SYT1: variants seen among roughly 807,000 people sequenced by gnomAD.
SYT1 encodes the protein synaptotagmin 1.
SYT1 carries 8 observed loss-of-function variants against 44.8 expected under a neutral mutation model. The ratio of observed to expected loss-of-function variants is 0.18; its 90% CI spans 0.10 to 0.32. The LOEUF is 0.32. SYT1 is among the 10% of genes least tolerant of loss of function. The pLI, the probability that SYT1 is intolerant of heterozygous loss-of-function variation, is 1.00. For synonymous variants in SYT1, 154 were observed against 188.8 expected, an observed-to-expected ratio of 0.82 and a Z score of 1.51; for missense variants, 286 against 509.3, an observed-to-expected ratio of 0.56 and a Z score of 4.22.
chr12:79,384,391 C>T (rs1884344591), intron 9 of SYT1, among the ~76,000 whole-genome samples: 3 of 151,984 alleles, frequency 2.0e-5, no homozygotes. Context: ...TCTTAGATAT[C>T]AAAAACAAGA....
At chr12:79,166,076 A>G (rs1286517256) in intron 3 of SYT1, among the ~76,000 whole-genome samples, 1 of 152,014 alleles carries the variant, frequency 6.6e-6, no homozygotes, top group Non-Finnish European at 1.5e-5. Flanking sequence ...TCAACTTGGA[A>G]TTCTGAGATT....
At chr12:78,934,824 C>T (rs1321375273) in intron 1 of SYT1, among the ~76,000 whole-genome samples, 1 of 152,148 alleles carries the variant, frequency 6.6e-6, no homozygotes, top group Non-Finnish European at 1.5e-5. Context: ...GTATTAGAAG[C>T]ATGGTGATGG....
At chr12:79,036,621 TC>T (rs1470489747) in intron 2 of SYT1, 1 of 151,822 alleles carries the variant, frequency 6.6e-6, no homozygotes, top group Non-Finnish European at 1.5e-5. Flanking sequence ...CATACCTATA[TC>T]AATAGTACAT....
At chr12:79,179,202 A>G in intron 3 of SYT1, among the ~76,000 whole-genome samples, 1 of 26,290 alleles carries the variant, frequency 3.8e-5, no homozygotes, top group African/African-American at 2.3e-4. Context: ...ATAGATATAT[A>G]GATATAGATA....
At chr12:78,876,053 C>T (rs1159480590) in intron 1 of SYT1, among the ~76,000 whole-genome samples, 1 of 151,632 alleles carries the variant, frequency 6.6e-6, no homozygotes, top group Non-Finnish European at 1.5e-5. Context: ...CTTGTCAATG[C>T]AATTTCCTTT....
intron 4 of SYT1, among the ~76,000 whole-genome samples, chr12:79,281,912 C>T (rs550524726): frequency 5.9e-4 from 90 of 152,260 alleles, no homozygotes; most frequent in African/African-American, 1.9e-3. Context: ...GAAATCAAGG[C>T]GTCAGCAGGG....
intron 1 of SYT1, among the ~76,000 whole-genome samples, chr12:78,942,804 CG>C (rs1232750556): frequency 6.6e-6 from 1 of 152,086 alleles, no homozygotes; most frequent in Admixed American, 6.5e-5. Context: ...CAGGCTGAGC[CG>C]AGGGTCGACA....
At chr12:79,158,454 C>A (rs1870739261) in intron 3 of SYT1, among the ~76,000 whole-genome samples, 1 of 152,054 alleles carries the variant, frequency 6.6e-6, no homozygotes, top group Non-Finnish European at 1.5e-5. Flanking sequence ...GCTTACCTGC[C>A]ACTCACCTCC....
chr12:79,343,840 A>G (rs111679603), intron 8 of SYT1, among the ~76,000 whole-genome samples: 1,605 of 152,342 alleles, frequency 0.011, 23 homozygotes, highest in African/African-American at 0.036. Context: ...TCATACTCCA[A>G]TGGATTATCT....
chr12:78,993,413 C>G (rs1870153286), intron 2 of SYT1, among the ~76,000 whole-genome samples: 1 of 152,170 alleles, frequency 6.6e-6, no homozygotes, highest in Non-Finnish European at 1.5e-5. Flanking sequence ...GTTGATGCAT[C>G]AAGGCAGCTA....
At chr12:79,395,833 GCATAT>G (rs1884847697) in intron 9 of SYT1, among the ~76,000 whole-genome samples, 1 of 152,134 alleles carries the variant, frequency 6.6e-6, no homozygotes, top group South Asian at 2.1e-4. Flanking sequence ...TTAAACTGAT[GCATAT>G]CATATCAAAA....
intron 8 of SYT1, among the ~76,000 whole-genome samples, chr12:79,340,523 T>A (rs956142671): frequency 1.1e-4 from 16 of 147,922 alleles, no homozygotes; most frequent in African/African-American, 4.2e-4. Context: ...TGATTTTGTA[T>A]CCTGAGACTG....
At chr12:78,895,135 C>T (rs2137082209) in intron 1 of SYT1, among the ~76,000 whole-genome samples, 2 of 151,612 alleles carry the variant, frequency 1.3e-5, no homozygotes, top group South Asian at 4.1e-4. Context: ...TTTTCCATAC[C>T]ATCCTGCAAA....
chr12:79,429,604 C>T lies in SYT1; in HGVS notation c.929-14469C>T, dbSNP rs568953891. Reference sequence around the variant, plus strand: ...AGTGCAGTGACGCGATCTCGGCTCACTGCAAGCTCCGCCTCCCGGGTTCAC... The same window carrying T: ...AGTGCAGTGACGCGATCTCGGCTCATTGCAAGCTCCGCCTCCCGGGTTCAC... On this transcript the variant is annotated intron_variant, in intron 9 of 10. Transcript: ENST00000261205. Among the ~76,000 whole-genome samples the T allele has an allele frequency of 4.6e-5, 7 of 152,174 alleles. No individual in the cohort carries two copies. The East Asian group carries it at 1.4e-3, about 29-fold the overall frequency.
At position 79,114,750 on chromosome 12, in the gene SYT1, A is replaced by G. The variant is rs538603188; in HGVS notation, c.-18+67388A>G. ...TATATTGATGTGTTTACTTCTTGTC[A>G]AAATATTCATTTGTCTTTGAGGAGA... On this transcript the variant is annotated intron_variant, in intron 3 of 10. Coordinates refer to ENST00000261205, the MANE Select transcript of SYT1 (RefSeq NM_005639.3). Among the ~76,000 whole-genome samples, 3 of 152,294 alleles carry G rather than the reference A, an allele frequency of 2.0e-5. No homozygotes were observed. In the South Asian group the frequency reaches 6.2e-4, roughly 32 times the overall value.
At chr12:78,939,011 C>A (rs1240953867) in intron 1 of SYT1, among the ~76,000 whole-genome samples, 1 of 152,182 alleles carries the variant, frequency 6.6e-6, no homozygotes, top group East Asian at 1.9e-4. Context: ...TTCAGGGAAG[C>A]ATCTGTCATG....
chr12:78,872,361 G>A (rs1873865815), intron 1 of SYT1, among the ~76,000 whole-genome samples: 1 of 151,822 alleles, frequency 6.6e-6, no homozygotes, highest in South Asian at 2.1e-4. Flanking sequence ...AAGTGGATGA[G>A]ACAAGTTCTT....
chr12:79,073,844 C>T (rs1876454674), intron 3 of SYT1, among the ~76,000 whole-genome samples: 1 of 152,158 alleles, frequency 6.6e-6, no homozygotes, highest in Non-Finnish European at 1.5e-5. Flanking sequence ...TCAGCACAGG[C>T]ACCTATCTGT....
intron 8 of SYT1, among the ~76,000 whole-genome samples, chr12:79,346,815 A>G (rs1274738631): frequency 6.6e-6 from 1 of 152,188 alleles, no homozygotes; most frequent in Non-Finnish European, 1.5e-5. Flanking sequence ...TCAACTGACA[A>G]TTATTTCGAA....
Sources: allele counts gnomAD v4.1 joint callset (sites outside exome capture counted in the v4.1 genomes callset), GRCh38; gene constraint gnomAD v4.1.1; transcripts MANE v1.5; gene names NCBI Gene and HGNC (gene_info 2026-07-23, HGNC 2026-07-21).